Variants in CSMD1 observed in about 807,000 individuals in gnomAD.
CSMD1 encodes the protein CUB and Sushi multiple domains 1.
Under a neutral mutation model 417.5 loss-of-function variants are expected in CSMD1, and 213 were observed. The ratio of observed to expected loss-of-function variants is 0.51; its 90% confidence interval spans 0.46 to 0.57. The LOEUF (loss-of-function observed/expected upper bound fraction) is 0.57, where lower values mean the gene tolerates loss of function less well. CSMD1 is among the 20% of genes least tolerant of loss of function. CSMD1 has a pLI of 0.00. For missense variants in CSMD1, 6,923 were observed against 4,529.7 expected (o/e 1.53, Z -15.17); for synonymous variants, 2,862 against 1,736.8 (o/e 1.65, Z -16.11).
At chr8:4,550,296 C>T (rs866392858) in intron 2 of CSMD1, among the ~76,000 whole-genome samples, 12 of 150,674 alleles carry the variant, frequency 8.0e-5, no homozygotes, top group African/African-American at 2.9e-4. Flanking sequence ...ATGAGGAATA[C>T]AACACATTTC....
At chr8:3,874,325 C>G (rs1805674965) in intron 5 of CSMD1, among the ~76,000 whole-genome samples, 1 of 152,164 alleles carries the variant, frequency 6.6e-6, no homozygotes, top group African/African-American at 2.4e-5. Flanking sequence ...CTGCGTAACT[C>G]TTATCTAAAG....
intron 15 of CSMD1, among the ~76,000 whole-genome samples, chr8:3,401,526 TGTAA>T (rs1252360460): frequency 6.6e-6 from 1 of 152,100 alleles, no homozygotes; most frequent in Non-Finnish European, 1.5e-5. Context: ...GTAAGTAGAT[TGTAA>T]GTAAGTAAAT....
intron 50 of CSMD1, among the ~76,000 whole-genome samples, chr8:3,046,377 C>G (rs138061854): frequency 2.9e-4 from 44 of 152,288 alleles, no homozygotes; most frequent in Admixed American, 9.1e-4. Flanking sequence ...CCGGTTCCTT[C>G]CACCCTACAG....
chr8:4,577,108 C>A (rs1034099136), intron 2 of CSMD1, among the ~76,000 whole-genome samples: 2 of 151,986 alleles, frequency 1.3e-5, no homozygotes, highest in Non-Finnish European at 2.9e-5. Flanking sequence ...ACATATATAA[C>A]GTGTATAATT....
intron 2 of CSMD1, among the ~76,000 whole-genome samples, chr8:4,451,412 T>C (rs560530921): frequency 1.3e-5 from 2 of 152,344 alleles, no homozygotes; most frequent in South Asian, 4.1e-4. Flanking sequence ...CTATGATCAG[T>C]GTTTTCCACA....
intron 26 of CSMD1, among the ~76,000 whole-genome samples, chr8:3,236,134 A>C (rs1266603624): frequency 6.6e-6 from 1 of 151,746 alleles, no homozygotes; most frequent in African/African-American, 2.4e-5. Flanking sequence ...TAGCCAGGAG[A>C]GTCTCGATCT....
intron 8 of CSMD1, among the ~76,000 whole-genome samples, chr8:3,606,248 G>C (rs1485277299): frequency 6.6e-6 from 1 of 152,058 alleles, no homozygotes; most frequent in Non-Finnish European, 1.5e-5. Context: ...GAAATGCATT[G>C]TTAGGCAATT....
At chr8:2,957,834 C>T in intron 62 of CSMD1, 27 bp from the exon 63 acceptor site, 2 of 1,459,190 alleles carry the variant, frequency 1.4e-6, no homozygotes, top group South Asian at 1.2e-5. Flanking sequence ...ATACTAGCTT[C>T]AGAGGCCAAG....
chr8:3,884,222 C>T (rs1806400457), intron 5 of CSMD1, among the ~76,000 whole-genome samples: 1 of 152,148 alleles, frequency 6.6e-6, no homozygotes, highest in Admixed American at 6.6e-5. Flanking sequence ...ATAAGCCTTC[C>T]ATTATCCTTT....
At chr8:4,068,349 C>T (rs1799367373) in intron 3 of CSMD1, among the ~76,000 whole-genome samples, 1 of 152,074 alleles carries the variant, frequency 6.6e-6, no homozygotes, top group Non-Finnish European at 1.5e-5. Context: ...GGGCTCAAAG[C>T]AGAGAGGGGA....
chr8:4,053,671 A>C (rs1286604998), intron 3 of CSMD1, among the ~76,000 whole-genome samples: 1 of 152,002 alleles, frequency 6.6e-6, no homozygotes, highest in African/African-American at 2.4e-5. Context: ...CATACCCCAA[A>C]AATAGCAGGT....
intron 7 of CSMD1, among the ~76,000 whole-genome samples, chr8:3,658,981 T>A (rs1273697644): frequency 2.0e-5 from 3 of 152,198 alleles, no homozygotes; most frequent in African/African-American, 4.8e-5. Context: ...ACCTAATATT[T>A]GTAGTGTGTT....
At chr8:3,980,257 G>C (rs1435377511) in intron 5 of CSMD1, among the ~76,000 whole-genome samples, 1 of 152,114 alleles carries the variant, frequency 6.6e-6, no homozygotes, top group Non-Finnish European at 1.5e-5. Context: ...ACTATTAGGG[G>C]AAAAGCTGAA....
chr8:3,409,205 G>A (rs1286224401), intron 13 of CSMD1, among the ~76,000 whole-genome samples: 2 of 152,210 alleles, frequency 1.3e-5, no homozygotes, highest in African/African-American at 4.8e-5. Flanking sequence ...ACATTTTGTC[G>A]AGTAGATGTA....
chr8:4,112,167 G>A (rs575688644), intron 3 of CSMD1, among the ~76,000 whole-genome samples: 83 of 152,272 alleles, frequency 5.5e-4, no homozygotes, highest in African/African-American at 1.8e-3. Context: ...AAAGAGCTGG[G>A]CAGTCTATAG....
At chr8:4,884,411 T>C (rs1387451269) in intron 1 of CSMD1, among the ~76,000 whole-genome samples, 1 of 152,028 alleles carries the variant, frequency 6.6e-6, no homozygotes, top group Admixed American at 6.6e-5. Flanking sequence ...TTTTTTGTTG[T>C]TGTTGCTTGT....
rs376195721 is a variant in CSMD1 at position 3,870,437 on chromosome 8, T to G, written c.819-116395A>C. On this transcript the variant is annotated intron_variant, in intron 5 of 69. Coordinates refer to ENST00000635120, the MANE Select transcript of CSMD1 (RefSeq NM_033225.6). Reference sequence around the variant, plus strand: ...ATGAAACATTTATATGCATATATCTTTACATGTTGGTGGGTATTTCTCTCA... The same window carrying G: ...ATGAAACATTTATATGCATATATCTGTACATGTTGGTGGGTATTTCTCTCA... Among the ~76,000 whole-genome samples, 61 of 152,310 alleles carry G rather than the reference T, an allele frequency of 4.0e-4. 1 individual carries two copies. Among genetic ancestry groups the G allele is most frequent in the African/African-American group, 1.3e-3 (54 of 41,572 alleles).
intron 5 of CSMD1, among the ~76,000 whole-genome samples, chr8:3,859,814 G>A (rs1039496398): frequency 1.3e-5 from 2 of 152,168 alleles, no homozygotes; most frequent in South Asian, 4.1e-4. Flanking sequence ...ATTCCGCAGG[G>A]AACAGGCAGG....
At chr8:4,794,318 C>G (rs1459266720) in intron 1 of CSMD1, among the ~76,000 whole-genome samples, 2 of 152,206 alleles carry the variant, frequency 1.3e-5, no homozygotes, top group East Asian at 1.9e-4. Flanking sequence ...AAAAGAAGGT[C>G]TCTGCATTTC....
Sources: gnomAD v4.1 joint callset for allele counts (sites outside exome capture counted in the v4.1 genomes callset) on GRCh38, gnomAD v4.1.1 for gene constraint, MANE v1.5 for transcripts, NCBI Gene and HGNC (gene_info 2026-07-23, HGNC 2026-07-21) for gene names.